The following EHBP1 variants were observed in gnomAD, a reference collection of about 807,000 sequenced individuals.
EHBP1 encodes the protein EH domain-binding protein 1.
In EHBP1, 55 loss-of-function variants were observed where a neutral mutation model predicts 144.0. That is an observed-to-expected ratio of 0.38 (90% CI 0.31 to 0.48). The LOEUF is 0.48. Ranked by LOEUF, EHBP1 falls within the 20% of genes least tolerant of loss-of-function variation. The probability of loss-of-function intolerance (pLI) is 0.98; values close to 1 mark genes in which losing one functional copy is unlikely to be tolerated. For missense variants in EHBP1, 1,200 were observed against 1,364.2 expected (o/e 0.88, Z 1.90); for synonymous variants, 469 against 472.7 (o/e 0.99, Z 0.10).
At position 62,916,064 on chromosome 2, in the gene EHBP1, T is replaced by A. The variant is rs1011143834; in HGVS notation, c.1186-26654T>A. On this transcript the variant is annotated intron_variant, in intron 10 of 22. Transcript: ENST00000431489. Reference sequence around the variant, plus strand: ...AGCTAGGTGTGGTAGTGCACATGTGTAGTCCCAGATACTTGGGAGGCTGAA... The same window carrying A: ...AGCTAGGTGTGGTAGTGCACATGTGAAGTCCCAGATACTTGGGAGGCTGAA... Among the ~76,000 whole-genome samples, 28 of 152,184 alleles carry A rather than the reference T, an allele frequency of 1.8e-4. 1 individual carries two copies. The highest frequency in any genetic ancestry group is 1.8e-3 in the Admixed American group (28 of 15,276).
intron 14 of EHBP1, among the ~76,000 whole-genome samples, chr2:62,978,287 G>A (rs1231336224): frequency 2.0e-5 from 3 of 148,844 alleles, no homozygotes; most frequent in African/African-American, 7.4e-5. Flanking sequence ...TGCAACCTCC[G>A]CCTCCTGGGT....
intron 15 of EHBP1, among the ~76,000 whole-genome samples, chr2:62,985,977 G>A (rs1230954430): frequency 1.3e-5 from 2 of 152,088 alleles, no homozygotes; most frequent in Admixed American, 6.5e-5. Context: ...TGTGTATACA[G>A]TACACAGTAG....
At chr2:63,001,660 T>G (rs537181373) in intron 19 of EHBP1, among the ~76,000 whole-genome samples, 1 of 152,284 alleles carries the variant, frequency 6.6e-6, no homozygotes, top group African/African-American at 2.4e-5. Context: ...TAATTGGGAC[T>G]ATTAATAAAC....
At chr2:62,877,966 CA>C (rs1474435590) in intron 10 of EHBP1, among the ~76,000 whole-genome samples, 2 of 152,044 alleles carry the variant, frequency 1.3e-5, no homozygotes, top group Non-Finnish European at 2.9e-5. Context: ...CAGAAGATGA[CA>C]AATCTTCAGC....
chr2:62,898,122 G>A (rs1028297932), intron 10 of EHBP1, among the ~76,000 whole-genome samples: 2 of 152,136 alleles, frequency 1.3e-5, no homozygotes, highest in African/African-American at 4.8e-5. Context: ...AAAGGTCACG[G>A]TAATTTTATT....
chr2:62,853,638 G>A (rs2048833084), intron 7 of EHBP1, among the ~76,000 whole-genome samples: 1 of 152,154 alleles, frequency 6.6e-6, no homozygotes, highest in Non-Finnish European at 1.5e-5. Flanking sequence ...TTTCCAAGAG[G>A]TTTTCAATTG....
intron 10 of EHBP1, among the ~76,000 whole-genome samples, chr2:62,923,763 A>T (rs1329566303): frequency 1.3e-5 from 2 of 152,180 alleles, no homozygotes; most frequent in Non-Finnish European, 2.9e-5. Context: ...GCAACTTTGC[A>T]GTTCACCCCT....
At chr2:63,026,135 A>G (rs555192753) in intron 19 of EHBP1, among the ~76,000 whole-genome samples, 1 of 152,192 alleles carries the variant, frequency 6.6e-6, no homozygotes, top group African/African-American at 2.4e-5. Flanking sequence ...GAGTTGCCCA[A>G]CATATTTACT....
intron 7 of EHBP1, among the ~76,000 whole-genome samples, chr2:62,854,556 A>G (rs944767807): frequency 1.3e-5 from 2 of 152,128 alleles, no homozygotes; most frequent in African/African-American, 4.8e-5. Context: ...TGTCTGAGAA[A>G]ATAAGGAGGT....
At chr2:62,733,366 C>T (rs1322622606) in intron 2 of EHBP1, among the ~76,000 whole-genome samples, 2 of 152,076 alleles carry the variant, frequency 1.3e-5, no homozygotes, top group Non-Finnish European at 2.9e-5. Flanking sequence ...CTAGAGATTT[C>T]TTCCTAACTG....
chr2:62,771,217 T>C (rs2041633575), intron 4 of EHBP1, 122 bp from the exon 5 acceptor site: 3 of 550,064 alleles, frequency 5.5e-6, no homozygotes, highest in African/African-American at 3.9e-5. Context: ...TAGGCTATTC[T>C]GCCTCTCCAT....
intron 2 of EHBP1, among the ~76,000 whole-genome samples, chr2:62,727,460 C>T (rs1226512283): frequency 6.6e-6 from 1 of 152,104 alleles, no homozygotes; most frequent in Non-Finnish European, 1.5e-5. Context: ...TGTTAGCAGT[C>T]ACTCCGTATT....
intron 5 of EHBP1, among the ~76,000 whole-genome samples, chr2:62,800,362 C>G (rs2043889029): frequency 1.3e-5 from 2 of 152,026 alleles, no homozygotes; most frequent in African/African-American, 4.8e-5. Flanking sequence ...AATCTAGTGA[C>G]TCTTTAAAGA....
intron 10 of EHBP1, among the ~76,000 whole-genome samples, chr2:62,895,056 G>A (rs2052788193): frequency 6.6e-6 from 1 of 152,098 alleles, no homozygotes; most frequent in Admixed American, 6.5e-5. Flanking sequence ...TATTCAGAAG[G>A]CTACATTTGG....
chr2:62,881,171 A>T (rs574647693), intron 10 of EHBP1, among the ~76,000 whole-genome samples: 1 of 152,126 alleles, frequency 6.6e-6, no homozygotes, highest in African/African-American at 2.4e-5. Context: ...GTTGTCACTT[A>T]TAAGTAGGAG....
rs149597962 is a variant in EHBP1 at position 62,739,873 on chromosome 2, C to G, written c.105-7522C>G. 5.9e-3 allele frequency among the ~76,000 whole-genome samples: 880 copies of G among 148,476 alleles called. 7 individuals are homozygous for G. The highest frequency in any genetic ancestry group is 0.01 in the South Asian group (48 of 4,748). ...ATTGCTTGAGTCCAGGAGTCTGAGG[C>G]TGCAGTGGGCTATGATCACTCCCTT... On this transcript the variant is annotated intron_variant, in intron 2 of 22. Coordinates refer to ENST00000431489, the MANE Select transcript of EHBP1 (RefSeq NM_001142616.3).
chr2:63,017,440 C>G lies in EHBP1; in HGVS notation c.3104-20095C>G, dbSNP rs746139842. On this transcript the variant is annotated intron_variant, in intron 19 of 22. Coordinates refer to ENST00000431489, the MANE Select transcript of EHBP1 (RefSeq NM_001142616.3). ...CCTAATTAGTTTACATATAGTCACA[C>G]TAAGTCAAAGTTGATGTAGTATGGC... 2.0e-5 allele frequency among the ~76,000 whole-genome samples: 3 copies of G among 152,172 alleles called. No homozygotes were observed. In the East Asian group the frequency reaches 5.8e-4, roughly 29 times the overall value.
In EHBP1 at chr2:62,838,959, G is replaced by T. The variant is rs796984615; in HGVS notation, c.634+7801G>T. On this transcript the variant is annotated intron_variant, in intron 7 of 22. Transcript: ENST00000431489. Reference sequence around the variant, plus strand: ...CCTTCTGAAACTATTCCAATCAATAGAAAAAGAGGGAATCCTCCCTAACTC... The same window carrying T: ...CCTTCTGAAACTATTCCAATCAATATAAAAAGAGGGAATCCTCCCTAACTC... 2.2e-5 allele frequency among the ~76,000 whole-genome samples: 3 copies of T among 138,398 alleles called. No individual in the cohort carries two copies. In the South Asian group the frequency reaches 7.8e-4, roughly 36 times the overall value. The allele number at this position is 138,398 out of a possible 152,430, so 90.8% of individuals were successfully genotyped here.
At chr2:62,975,051 T>C (rs754946358) in intron 14 of EHBP1, among the ~76,000 whole-genome samples, 14 of 152,144 alleles carry the variant, frequency 9.2e-5, no homozygotes, top group Non-Finnish European at 1.9e-4. Context: ...TTTTAACAGT[T>C]GGGGGTGGCT....
Sources: gnomAD v4.1 joint callset for allele counts (sites outside exome capture counted in the v4.1 genomes callset) on GRCh38, gnomAD v4.1.1 for gene constraint, MANE v1.5 for transcripts, NCBI Gene and HGNC (gene_info 2026-07-23, HGNC 2026-07-21) for gene names.